The following ULK4 variants were observed in gnomAD, a reference collection of about 807,000 sequenced individuals.
ULK4 encodes unc-51 like kinase 4, also known as inactive serine/threonine-protein kinase ULK4.
ULK4 carries 133 observed loss-of-function variants against 160.6 expected under a neutral mutation model. The observed-to-expected ratio is 0.83, with a 90% CI of 0.72 to 0.96. The LOEUF is 0.96. Among genes scored for constraint, ULK4 ranks in the 40% least tolerant of loss-of-function variants. The pLI is 0.00. For synonymous variants in ULK4, 534 were observed against 539.8 expected, an observed-to-expected ratio of 0.99 and a Z score of 0.15; for missense variants, 1,580 against 1,499.5, an observed-to-expected ratio of 1.05 and a Z score of -0.89.
chr3:41,285,720 A>AC (rs1355209722), intron 35 of ULK4, among the ~76,000 whole-genome samples: 1 of 152,194 alleles, frequency 6.6e-6, no homozygotes, highest in Admixed American at 6.5e-5. Flanking sequence ...TATCACCTGT[A>AC]CCCCAATAAC....
chr3:41,417,627 T>C (rs1360744284), intron 34 of ULK4, among the ~76,000 whole-genome samples: 1 of 152,124 alleles, frequency 6.6e-6, no homozygotes, highest in Non-Finnish European at 1.5e-5. Context: ...TGTTACTTTT[T>C]GAGGTATACA....
At chr3:41,288,531 A>G (rs1575398281) in intron 35 of ULK4, among the ~76,000 whole-genome samples, 1 of 152,208 alleles carries the variant, frequency 6.6e-6, no homozygotes, top group East Asian at 1.9e-4. Flanking sequence ...ATTGCTGAGA[A>G]TATCCTGCTA....
chr3:41,250,321 C>T (rs1037685912), intron 35 of ULK4, among the ~76,000 whole-genome samples: 2 of 152,204 alleles, frequency 1.3e-5, no homozygotes, highest in Non-Finnish European at 2.9e-5. Flanking sequence ...TTCACCGTTG[C>T]CTCCTATTGT....
At chr3:41,460,424 T>G (rs2083655882) in intron 33 of ULK4, among the ~76,000 whole-genome samples, 1 of 152,206 alleles carries the variant, frequency 6.6e-6, no homozygotes, top group South Asian at 2.1e-4. Context: ...ATTGCTGCAT[T>G]TTCACACATG....
At chr3:41,954,538 T>G (rs369844240) in intron 2 of ULK4, 84 bp downstream of exon 2, 5 of 1,475,796 alleles carry the variant, frequency 3.4e-6, no homozygotes, top group East Asian at 2.3e-5. Context: ...TATATCAAAT[T>G]CAATGACTAC....
chr3:41,333,393 T>A (rs1448518688), intron 35 of ULK4, among the ~76,000 whole-genome samples: 2 of 152,214 alleles, frequency 1.3e-5, no homozygotes, highest in Non-Finnish European at 2.9e-5. Flanking sequence ...TACTGTAAAT[T>A]GCTGAAAAAT....
intron 32 of ULK4, among the ~76,000 whole-genome samples, chr3:41,525,862 G>A (rs902450332): frequency 2.0e-5 from 3 of 152,100 alleles, no homozygotes; most frequent in Non-Finnish European, 2.9e-5. Flanking sequence ...TGACATCTCC[G>A]TCATTGTCTC....
chr3:41,885,427 C>T (rs1697684521), intron 16 of ULK4, among the ~76,000 whole-genome samples: 2 of 152,156 alleles, frequency 1.3e-5, no homozygotes, highest in African/African-American at 2.4e-5. Flanking sequence ...CTATATACAA[C>T]ACCCTCACAG....
chr3:41,570,389 T>C (rs1041988402), intron 31 of ULK4, among the ~76,000 whole-genome samples: 5 of 152,212 alleles, frequency 3.3e-5, no homozygotes, highest in Non-Finnish European at 7.3e-5. Context: ...TAATTATTCT[T>C]ACAGTTGGTT....
At chr3:41,371,505 G>C (rs1025510599) in intron 35 of ULK4, among the ~76,000 whole-genome samples, 4 of 152,078 alleles carry the variant, frequency 2.6e-5, no homozygotes, top group Admixed American at 6.5e-5. Context: ...AGGCAAACAG[G>C]GTCTGAAGTG....
intron 33 of ULK4, 144 bp downstream of exon 33, chr3:41,462,943 A>G: frequency 1.0e-6 from 1 of 987,466 alleles, no homozygotes; most frequent in East Asian, 2.8e-5. Context: ...CCCAAAGATG[A>G]CTCTTCAGAA....
intron 18 of ULK4, among the ~76,000 whole-genome samples, chr3:41,834,249 T>C (rs893611131): frequency 6.6e-6 from 1 of 151,894 alleles, no homozygotes; most frequent in African/African-American, 2.4e-5. Context: ...AGGCATTCTG[T>C]ATAGAATAAA....
At chr3:41,683,668 G>A (rs570294477) in intron 27 of ULK4, among the ~76,000 whole-genome samples, 3 of 150,828 alleles carry the variant, frequency 2.0e-5, no homozygotes, top group Non-Finnish European at 4.4e-5. Flanking sequence ...TAACTTAATT[G>A]ACTCAGTCTG....
chr3:41,454,167 A>T (rs2083485735), intron 34 of ULK4, among the ~76,000 whole-genome samples: 1 of 148,354 alleles, frequency 6.7e-6, no homozygotes, highest in Non-Finnish European at 1.5e-5. Flanking sequence ...CCTAGAACTT[A>T]AAGTATAATT....
In ULK4 at chr3:41,683,973, G is replaced by C. The variant is rs183077883; in HGVS notation, c.2782-2169C>G. ...CTGATAGCACGTGGGTCCACAGTTT[G>C]CGTCACTCACGTCCTGATCCATTTT... On this transcript the variant is annotated intron_variant, in intron 27 of 36. Coordinates refer to ENST00000301831, the MANE Select transcript of ULK4 (RefSeq NM_017886.4). Among the ~76,000 whole-genome samples, 239 of 152,286 alleles carry C rather than the reference G, an allele frequency of 1.6e-3. 1 individual carries two copies. The highest frequency in any genetic ancestry group is 6.8e-3 in the Middle Eastern group (2 of 294).
intron 22 of ULK4, among the ~76,000 whole-genome samples, chr3:41,743,916 G>A (rs2038328450): frequency 6.6e-6 from 1 of 151,552 alleles, no homozygotes; most frequent in Non-Finnish European, 1.5e-5. Context: ...TTAAAAGTAG[G>A]GATAGTAAAG....
chr3:41,935,355 T>C (rs545762453), intron 4 of ULK4, among the ~76,000 whole-genome samples: 4 of 152,068 alleles, frequency 2.6e-5, no homozygotes, highest in South Asian at 4.2e-4. Flanking sequence ...GCCTCTCAGA[T>C]AGTTGGGACT....
At chr3:41,651,714 T>C (rs897236156) in intron 30 of ULK4, among the ~76,000 whole-genome samples, 3 of 152,244 alleles carry the variant, frequency 2.0e-5, no homozygotes, top group African/African-American at 4.8e-5. Flanking sequence ...GGAAATACTT[T>C]GGGAGAAAAT....
At chr3:41,870,660 C>A (rs1384317893) in intron 17 of ULK4, among the ~76,000 whole-genome samples, 2 of 152,158 alleles carry the variant, frequency 1.3e-5, no homozygotes, top group South Asian at 4.1e-4. Flanking sequence ...GCCATTGGTA[C>A]AATGTGTATA....
Sources: gnomAD v4.1 joint callset for allele counts (sites outside exome capture counted in the v4.1 genomes callset) on GRCh38, gnomAD v4.1.1 for gene constraint, MANE v1.5 for transcripts, NCBI Gene and HGNC (gene_info 2026-07-23, HGNC 2026-07-21) for gene names.